The following RREB1 variants were observed in gnomAD, a reference collection of about 807,000 sequenced individuals.
RREB1 encodes ras-responsive element-binding protein 1.
RREB1 carries 27 observed loss-of-function variants against 117.8 expected under a neutral mutation model. That is an observed-to-expected ratio of 0.23 (90% CI 0.17 to 0.32). The LOEUF is 0.32. Ranked by LOEUF, RREB1 falls within the 10% of genes least tolerant of loss-of-function variation. The pLI is 1.00. For synonymous variants in RREB1, 1,298 were observed against 1,026.7 expected (o/e 1.26, Z -5.05); for missense variants, 2,577 against 2,378.2 (o/e 1.08, Z -1.74).
At chr6:7,239,210 C>T (rs1160977226) in intron 10 of RREB1, among the ~76,000 whole-genome samples, 1 of 152,170 alleles carries the variant, frequency 6.6e-6, no homozygotes, top group Non-Finnish European at 1.5e-5. Flanking sequence ...TTGTGGCAAT[C>T]CTAGGGTTAT....
intron 8 of RREB1, among the ~76,000 whole-genome samples, chr6:7,226,158 C>T (rs1192514578): frequency 6.6e-6 from 1 of 152,194 alleles, no homozygotes; most frequent in Non-Finnish European, 1.5e-5. Flanking sequence ...GCGAGCAGGT[C>T]GGCCATGGTG....
At chr6:7,110,286 G>A (rs1269011711) in intron 1 of RREB1, among the ~76,000 whole-genome samples, 3 of 152,176 alleles carry the variant, frequency 2.0e-5, no homozygotes, top group Admixed American at 6.5e-5. Flanking sequence ...CAAGTAGGCA[G>A]GTATAGTTTC....
chr6:7,247,766 C>G (rs1182313153), intron 12 of RREB1, among the ~76,000 whole-genome samples: 2 of 152,244 alleles, frequency 1.3e-5, no homozygotes, highest in African/African-American at 4.8e-5. Context: ...TCACCCACCA[C>G]CTGCAGGGTG....
intron 1 of RREB1, among the ~76,000 whole-genome samples, chr6:7,133,423 C>T (rs1183708530): frequency 6.6e-6 from 1 of 152,054 alleles, no homozygotes; most frequent in Non-Finnish European, 1.5e-5. Flanking sequence ...GTTTTTTACC[C>T]ATCATAAAAT....
chr6:7,176,329 C>A (rs1764497810), intron 1 of RREB1, among the ~76,000 whole-genome samples: 1 of 152,196 alleles, frequency 6.6e-6, no homozygotes, highest in Admixed American at 6.5e-5. Context: ...CTGCTGTGAA[C>A]ATGCCATTAG....
intron 2 of RREB1, among the ~76,000 whole-genome samples, chr6:7,180,372 G>C (rs1581499559): frequency 6.6e-6 from 1 of 152,188 alleles, no homozygotes. Flanking sequence ...ATTCTTCCTT[G>C]TGTTGTTCCT....
intron 1 of RREB1, among the ~76,000 whole-genome samples, chr6:7,163,439 T>C (rs896176149): frequency 6.6e-6 from 1 of 152,202 alleles, no homozygotes; most frequent in Non-Finnish European, 1.5e-5. Flanking sequence ...TTGCCCAGGC[T>C]GGAGTGCAAT....
intron 11 of RREB1, among the ~76,000 whole-genome samples, chr6:7,243,097 C>G (rs2113179042): frequency 6.6e-6 from 1 of 152,312 alleles, no homozygotes; most frequent in South Asian, 2.1e-4. Context: ...GCCGCCTTTA[C>G]CAGCCCAGAA....
rs781061602 is a variant in RREB1 at position 7,249,211 on chromosome 6, C to T, written c.*243C>T. On this transcript the variant is annotated 3_prime_UTR_variant, in exon 13 of 13. Transcript: ENST00000379938. ...TGCCTTAACTACTTACCGGATCCCT[C>T]CATATTATCATGGGTGTTGTATTTT... The T allele has an allele frequency of 3.2e-5, 15 of 467,324 alleles. No homozygotes were observed. Among genetic ancestry groups the T allele is most frequent in the Non-Finnish European group, 5.6e-5 (15 of 266,008 alleles). 28.9% of individuals were successfully genotyped at this position (467,324 alleles called of 1,614,324 possible).
At chr6:7,188,706 A>C (rs563338531) in intron 5 of RREB1, among the ~76,000 whole-genome samples, 1 of 152,188 alleles carries the variant, frequency 6.6e-6, no homozygotes, top group Non-Finnish European at 1.5e-5. Context: ...CGTCTTTCAG[A>C]GGCCAAAACT....
At chr6:7,244,983 CTGGCT>C (rs1768918848) in intron 11 of RREB1, among the ~76,000 whole-genome samples, 2 of 152,226 alleles carry the variant, frequency 1.3e-5, no homozygotes, top group Non-Finnish European at 2.9e-5. Flanking sequence ...CGTGAATCTG[CTGGCT>C]CAAGGACTGC....
At position 7,246,445 on chromosome 6, in the gene RREB1, C is replaced by G. The variant is rs199689305; in HGVS notation, c.3995C>G (p.Thr1332Ser). 2.2e-5 allele frequency: 33 copies of G among 1,499,166 alleles called. No homozygotes were observed. The highest frequency in any genetic ancestry group is 3.9e-5 in the South Asian group (3 of 77,890). 92.9% of individuals were successfully genotyped at this position (1,499,166 alleles called of 1,614,324 possible). A position where few individuals can be genotyped will look rare whatever the true frequency, so the allele number is the denominator to read the frequency against. ...DSTDSQSDAE[T>S]AAAAGEVLDL... ...ACAGACAGTCAGTCGGATGCGGAGA[C>G]TGCAGCCGCCGCGGGCGAAGTGCTA... Residue 1332 changes from threonine to serine, a missense_variant, in exon 12 of 13, where the codon ACT becomes AGT. Physicochemically the swap from Thr to Ser is moderately conservative, Grantham distance 58. Coordinates refer to ENST00000379938, the MANE Select transcript of RREB1 (RefSeq NM_001003699.4).
At chr6:7,243,860 T>G (rs1768856410) in intron 11 of RREB1, among the ~76,000 whole-genome samples, 1 of 152,102 alleles carries the variant, frequency 6.6e-6, no homozygotes, top group Non-Finnish European at 1.5e-5. Context: ...TTAAATATGT[T>G]CTGTGCAGTT....
intron 1 of RREB1, among the ~76,000 whole-genome samples, chr6:7,129,870 G>C (rs1469612746): frequency 6.6e-6 from 1 of 152,188 alleles, no homozygotes; most frequent in Non-Finnish European, 1.5e-5. Flanking sequence ...GATTTATCTT[G>C]TTTATAATGT....
intron 1 of RREB1, among the ~76,000 whole-genome samples, chr6:7,173,279 G>T (rs914239524): frequency 1.3e-5 from 2 of 152,072 alleles, no homozygotes; most frequent in African/African-American, 2.4e-5. Context: ...CCCTCAGGAG[G>T]CTGGGGCGGT....
intron 1 of RREB1, among the ~76,000 whole-genome samples, chr6:7,138,271 C>T (rs1018430069): frequency 5.3e-5 from 8 of 152,176 alleles, no homozygotes; most frequent in African/African-American, 1.9e-4. Flanking sequence ...ACATCAAACT[C>T]CTGTCCAAAT....
chr6:7,183,130 C>T (rs949659279), intron 4 of RREB1: 8 of 152,170 alleles, frequency 5.3e-5, no homozygotes, highest in African/African-American at 1.9e-4. Context: ...ATGCATTTCT[C>T]CACACCTTGC....
At chr6:7,195,586 A>G (rs1243118019) in intron 6 of RREB1, among the ~76,000 whole-genome samples, 1 of 152,230 alleles carries the variant, frequency 6.6e-6, no homozygotes, top group African/African-American at 2.4e-5. Context: ...GAAGTATGAA[A>G]GGAAATCAGT....
chr6:7,204,245 CTG>C (rs1766147406), intron 6 of RREB1, among the ~76,000 whole-genome samples: 4 of 152,132 alleles, frequency 2.6e-5, no homozygotes, highest in Admixed American at 2.0e-4. Context: ...GAAGGTGCCT[CTG>C]TACTTTACAG....
Sources: allele counts gnomAD v4.1 joint callset (sites outside exome capture counted in the v4.1 genomes callset), GRCh38; gene constraint gnomAD v4.1.1; transcripts MANE v1.5; gene names NCBI Gene and HGNC (gene_info 2026-07-23, HGNC 2026-07-21).